Variants in CCSER1 observed in about 807,000 individuals in gnomAD.
CCSER1 encodes serine-rich coiled-coil domain-containing protein 1.
In CCSER1, 41 loss-of-function variants were observed where a neutral mutation model predicts 82.0. The ratio of observed to expected loss-of-function variants is 0.50; its 90% CI spans 0.39 to 0.65. The LOEUF (loss-of-function observed/expected upper bound fraction) is 0.65. Among genes scored for constraint, CCSER1 ranks in the 30% least tolerant of loss-of-function variants. CCSER1 has a pLI of 0.00. For missense variants in CCSER1, 1,119 were observed against 1,064.2 expected (o/e 1.05, Z -0.72); for synonymous variants, 414 against 383.9 (o/e 1.08, Z -0.92).
At chr4:90,912,537 A>G (rs189889223) in intron 8 of CCSER1, among the ~76,000 whole-genome samples, 269 of 151,060 alleles carry the variant, frequency 1.8e-3, no homozygotes, top group African/African-American at 6.2e-3. Context: ...AAAGATGGGG[A>G]AAAAACAGAG....
At chr4:90,542,166 A>C (rs1776189572) in intron 5 of CCSER1, among the ~76,000 whole-genome samples, 1 of 152,098 alleles carries the variant, frequency 6.6e-6, no homozygotes, top group South Asian at 2.1e-4. Flanking sequence ...AAAGCAAAAA[A>C]ATTTAAAAGC....
intron 6 of CCSER1, among the ~76,000 whole-genome samples, chr4:90,715,059 T>G (rs1741376410): frequency 6.6e-6 from 1 of 152,016 alleles, no homozygotes; most frequent in African/African-American, 2.4e-5. Context: ...GAGGATCCAG[T>G]TATTGCTTCC....
At chr4:91,255,088 TA>T (rs1471045368) in intron 10 of CCSER1, among the ~76,000 whole-genome samples, 1 of 152,174 alleles carries the variant, frequency 6.6e-6, no homozygotes, top group East Asian at 1.9e-4. Context: ...AAATAGTCTG[TA>T]ATATTAATGT....
Position 91,600,982 on chromosome 4 carries a change from A to G in CCSER1, c.*1925A>G, listed in dbSNP as rs1764795005. 6.6e-6 allele frequency: 1 copy of G among 152,100 alleles called. No individual in the cohort carries two copies. The highest frequency in any genetic ancestry group is 1.5e-5 in the Non-Finnish European group (1 of 67,982). The allele number at this position is 152,100 out of a possible 1,614,324, so 9.4% of individuals were successfully genotyped here. On this transcript the variant is annotated 3_prime_UTR_variant, in exon 11 of 11. Coordinates refer to ENST00000509176, the MANE Select transcript of CCSER1 (RefSeq NM_001145065.2). ...GAAATGATAGGAAAATAGAAAAATC[A>G]TGATTATTAATTGTGGAATTCAGCT...
At chr4:90,621,538 T>C (rs1453531204) in intron 5 of CCSER1, among the ~76,000 whole-genome samples, 1 of 152,126 alleles carries the variant, frequency 6.6e-6, no homozygotes, top group Admixed American at 6.5e-5. Flanking sequence ...TTATTACCAT[T>C]TTTAATAGAC....
At chr4:90,864,174 C>T (rs1361922859) in intron 8 of CCSER1, among the ~76,000 whole-genome samples, 4 of 151,790 alleles carry the variant, frequency 2.6e-5, no homozygotes, top group African/African-American at 9.7e-5. Context: ...GCTTGCTTGA[C>T]AACCCACATC....
intron 3 of CCSER1, among the ~76,000 whole-genome samples, chr4:90,361,743 CAT>C (rs762716973): frequency 2.0e-5 from 3 of 152,126 alleles, no homozygotes; most frequent in African/African-American, 4.8e-5. Flanking sequence ...TAAGTGATAA[CAT>C]GTGGTATTTG....
intron 10 of CCSER1, among the ~76,000 whole-genome samples, chr4:91,234,721 C>T (rs1738872911): frequency 6.6e-6 from 1 of 152,056 alleles, no homozygotes; most frequent in Non-Finnish European, 1.5e-5. Context: ...TCTAATCTTT[C>T]TTCTACTATT....
chr4:91,054,746 T>C (rs1581435871), intron 9 of CCSER1, among the ~76,000 whole-genome samples: 1 of 152,108 alleles, frequency 6.6e-6, no homozygotes, highest in Non-Finnish European at 1.5e-5. Context: ...GATTTGGAAG[T>C]GTTTGCATTG....
intron 5 of CCSER1, among the ~76,000 whole-genome samples, chr4:90,523,524 T>G (rs576863627): frequency 6.6e-6 from 1 of 152,296 alleles, no homozygotes; most frequent in African/African-American, 2.4e-5. Context: ...TAAGCACAAA[T>G]GTACAGTGTT....
chr4:90,329,862 C>A (rs953451973), intron 3 of CCSER1, among the ~76,000 whole-genome samples: 1 of 151,928 alleles, frequency 6.6e-6, no homozygotes, highest in Admixed American at 6.6e-5. Flanking sequence ...TTTTTTATTT[C>A]TTAAATAAAT....
intron 10 of CCSER1, among the ~76,000 whole-genome samples, chr4:91,121,597 T>C (rs1581596372): frequency 6.6e-6 from 1 of 151,694 alleles, no homozygotes; most frequent in African/African-American, 2.4e-5. Context: ...ACATATCTCT[T>C]CCAGGTTTTT....
intron 10 of CCSER1, among the ~76,000 whole-genome samples, chr4:91,302,653 T>C (rs1744756806): frequency 6.6e-6 from 1 of 152,004 alleles, no homozygotes; most frequent in Non-Finnish European, 1.5e-5. Context: ...TAAAAGGCCT[T>C]ATTATTCTAG....
chr4:91,337,073 T>C (rs1747373609), intron 10 of CCSER1, among the ~76,000 whole-genome samples: 1 of 152,074 alleles, frequency 6.6e-6, no homozygotes, highest in South Asian at 2.1e-4. Context: ...TCAAAAGATA[T>C]AACAGATGTT....
At chr4:90,810,529 A>G (rs1008110700) in intron 7 of CCSER1, among the ~76,000 whole-genome samples, 1 of 151,754 alleles carries the variant, frequency 6.6e-6, no homozygotes, top group Non-Finnish European at 1.5e-5. Flanking sequence ...CGTGCCTGTA[A>G]TCCCAGCTAC....
At chr4:90,634,719 T>C (rs1050081934) in intron 6 of CCSER1, among the ~76,000 whole-genome samples, 2 of 151,736 alleles carry the variant, frequency 1.3e-5, no homozygotes, top group African/African-American at 2.4e-5. Context: ...TAAAGAAATA[T>C]CCAAATCAAG....
At chr4:90,400,157 A>C (rs370200109) in intron 4 of CCSER1, 28 bp downstream of exon 4, 8 of 1,261,436 alleles carry the variant, frequency 6.3e-6, no homozygotes, top group Non-Finnish European at 8.1e-6. Context: ...GAATAATATC[A>C]TACAACTCCT....
At chr4:90,337,489 A>G (rs1010861184) in intron 3 of CCSER1, among the ~76,000 whole-genome samples, 4 of 152,208 alleles carry the variant, frequency 2.6e-5, no homozygotes, top group Admixed American at 6.5e-5. Context: ...CACTTCAGCC[A>G]TTGGAGTATC....
intron 10 of CCSER1, among the ~76,000 whole-genome samples, chr4:91,426,821 C>G (rs968211677): frequency 1.3e-5 from 2 of 151,998 alleles, no homozygotes; most frequent in Non-Finnish European, 2.9e-5. Flanking sequence ...AAAAATGATT[C>G]CAACTTTTAG....
Sources: allele counts gnomAD v4.1 joint callset (sites outside exome capture counted in the v4.1 genomes callset), GRCh38; gene constraint gnomAD v4.1.1; transcripts MANE v1.5; gene names NCBI Gene and HGNC (gene_info 2026-07-23, HGNC 2026-07-21).